ENTPD3: variants seen among roughly 807,000 people sequenced by gnomAD.
The protein encoded by ENTPD3 is ectonucleoside triphosphate diphosphohydrolase 3, also known as CD39 antigen-like 3.
Under a neutral mutation model 51.2 loss-of-function variants are expected in ENTPD3, and 60 were observed. The observed-to-expected ratio is 1.17, with a 90% confidence interval of 0.95 to 1.45. The LOEUF is 1.45. Ranked by LOEUF, ENTPD3 falls within the 40% of genes most tolerant of loss-of-function variation. The probability of loss-of-function intolerance (pLI) is 0.00; values close to 1 mark genes in which losing one functional copy is unlikely to be tolerated. For missense variants in ENTPD3, 593 were observed against 641.1 expected (o/e 0.93, Z 0.81); for synonymous variants, 221 against 238.4 (o/e 0.93, Z 0.67).
chr3:40,388,669 G>A (rs1169836986), intron 2 of ENTPD3, among the ~76,000 whole-genome samples: 3 of 151,444 alleles, frequency 2.0e-5, no homozygotes, highest in Non-Finnish European at 4.4e-5. Flanking sequence ...TTTTGGAGTT[G>A]CTCATGTGGA....
At chr3:40,426,806 A>T (rs956219341) in intron 10 of ENTPD3, among the ~76,000 whole-genome samples, 1 of 152,242 alleles carries the variant, frequency 6.6e-6, no homozygotes, top group Non-Finnish European at 1.5e-5. Context: ...AAGGTGAAAC[A>T]TTTATACACC....
At chr3:40,397,956 C>T (rs1195307025) in intron 3 of ENTPD3, among the ~76,000 whole-genome samples, 1 of 152,180 alleles carries the variant, frequency 6.6e-6, no homozygotes, top group Non-Finnish European at 1.5e-5. Context: ...GAAATTCATT[C>T]CCATCCCCTC....
At chr3:40,405,650 A>G (rs567059841) in intron 4 of ENTPD3, among the ~76,000 whole-genome samples, 2 of 152,026 alleles carry the variant, frequency 1.3e-5, no homozygotes, top group African/African-American at 4.8e-5. Context: ...TGCTCCTCTC[A>G]TGGGACCAAG....
At chr3:40,421,686 A>G (rs1051574784) in intron 7 of ENTPD3, among the ~76,000 whole-genome samples, 2 of 152,244 alleles carry the variant, frequency 1.3e-5, no homozygotes, top group Non-Finnish European at 2.9e-5. Flanking sequence ...AGCTACTAAA[A>G]AAATAGGCCA....
chr3:40,423,130 C>A lies in ENTPD3; in HGVS notation c.1104+8C>A. 6.2e-7 allele frequency: 1 copy of A among 1,603,310 alleles called. No individual in the cohort carries two copies. The highest frequency in any genetic ancestry group is 1.1e-5 in the South Asian group (1 of 89,936). On this transcript the variant is annotated splice_region_variant and intron_variant, in intron 8 of 10. Coordinates refer to ENST00000301825, the MANE Select transcript of ENTPD3 (RefSeq NM_001248.4). ...ATTAAAGGGCCATTTGTGGTAAGAG[C>A]AAAACCTTCTGAAAGATTCCTTTCC...
intron 5 of ENTPD3, among the ~76,000 whole-genome samples, chr3:40,413,699 G>GA (rs562695780): frequency 1.0e-3 from 158 of 152,180 alleles, no homozygotes; most frequent in Non-Finnish European, 1.6e-3. Flanking sequence ...CACCTCTTAG[G>GA]AAAAAATGAA....
chr3:40,397,453 T>C (rs1320635184), intron 3 of ENTPD3, among the ~76,000 whole-genome samples: 2 of 152,084 alleles, frequency 1.3e-5, no homozygotes, highest in Non-Finnish European at 2.9e-5. Flanking sequence ...TCTTGGGCAT[T>C]TACTTACTAC....
At chr3:40,414,625 A>G (rs1156566227) in intron 5 of ENTPD3, 56 bp from the exon 6 acceptor site, 1 of 1,591,534 alleles carries the variant, frequency 6.3e-7, no homozygotes, top group African/African-American at 1.3e-5. Context: ...GAGACTATGT[A>G]TTTTAAGACT....
rs1955920025 is a variant in ENTPD3 at position 40,423,401 on chromosome 3, G to C, written c.1215G>C (p.Gln405His). 6.2e-7 allele frequency: 1 copy of C among 1,601,224 alleles called. No homozygotes were observed. Among genetic ancestry groups the C allele is most frequent in the Non-Finnish European group, 8.6e-7 (1 of 1,168,578 alleles). ...ATTTCTGCTCACAGAATTGGAGTCAGGTCAGTATTTAAAGAGAAGGGATCA... is the reference window on the plus strand; with the variant it reads ...ATTTCTGCTCACAGAATTGGAGTCACGTCAGTATTTAAAGAGAAGGGATCA... ...TWNFCSQNWS[Q>H]LPLLLPKFDE... The change falls in exon 9 of 11, where the codon CAG becomes CAC. Residue 405 changes from glutamine (Q) to histidine (H), a missense_variant and splice_region_variant. Gln to His is a conservative substitution (Grantham distance 24, BLOSUM62 0). Transcript: ENST00000301825.
At chr3:40,389,984 A>G (rs1370966434) in intron 2 of ENTPD3, among the ~76,000 whole-genome samples, 1 of 152,226 alleles carries the variant, frequency 6.6e-6, no homozygotes. Context: ...ACTGTCCAAT[A>G]TAGTAGCCAC....
chr3:40,405,765 A>G (rs932918321), intron 4 of ENTPD3, among the ~76,000 whole-genome samples: 1 of 152,152 alleles, frequency 6.6e-6, no homozygotes, highest in Non-Finnish European at 1.5e-5. Flanking sequence ...CATACTCCCA[A>G]GGTTTCACCA....
chr3:40,425,930 A>G (rs1955973142), intron 10 of ENTPD3, among the ~76,000 whole-genome samples: 1 of 151,150 alleles, frequency 6.6e-6, no homozygotes, highest in African/African-American at 2.4e-5. Flanking sequence ...TAAAAAAAAC[A>G]GAAAACGAAC....
At chr3:40,410,929 A>C (rs1575222696) in intron 4 of ENTPD3, among the ~76,000 whole-genome samples, 1 of 152,306 alleles carries the variant, frequency 6.6e-6, no homozygotes, top group Non-Finnish European at 1.5e-5. Context: ...AAAGAGACAC[A>C]GAGGATGAGA....
At position 40,412,947 on chromosome 3, in the gene ENTPD3, A is replaced by G. The variant is rs79547567; in HGVS notation, c.437+985A>G. On this transcript the variant is annotated intron_variant, in intron 5 of 10. Transcript: ENST00000301825. ...TTTCCAAATTATTTCATTTACGTGT[A>G]ATAGAAATGATCTAAAAACTCCTTC... Among the ~76,000 whole-genome samples the G allele has an allele frequency of 6.0e-3, 914 of 152,340 alleles. 9 individuals are homozygous for G. The highest frequency in any genetic ancestry group is 0.02 in the African/African-American group (844 of 41,588).
intron 3 of ENTPD3, chr3:40,394,368 C>T: frequency 3.4e-6 from 1 of 297,554 alleles, no homozygotes; most frequent in Non-Finnish European, 6.9e-6. Context: ...GTGATCCACC[C>T]ACCTCAGCCT....
intron 3 of ENTPD3, among the ~76,000 whole-genome samples, chr3:40,395,253 G>C (rs997542605): frequency 6.6e-6 from 1 of 152,204 alleles, no homozygotes; most frequent in African/African-American, 2.4e-5. Context: ...GCTTCTACTT[G>C]TTCTGGACAG....
rs894330624 is a variant in ENTPD3, at chr3:40,424,036, T to C, written c.1353+73T>C. On this transcript the variant is annotated intron_variant, in intron 10 of 10. Transcript: ENST00000301825. ...TTTGTATGTGTGTGTGGAACAAATG[T>C]AGAAGGTAAAAGGGTATTAATGAGT... 4.4e-5 allele frequency: 70 copies of C among 1,603,026 alleles called. No individual in the cohort carries two copies. In the African/African-American group the frequency reaches 7.9e-4, roughly 18 times the overall value.
intron 3 of ENTPD3, chr3:40,394,326 T>G (rs967934551): frequency 3.0e-6 from 1 of 334,988 alleles, no homozygotes; most frequent in African/African-American, 2.2e-5. Flanking sequence ...TTCACCGTGT[T>G]GACCAGGCTA....
intron 3 of ENTPD3, among the ~76,000 whole-genome samples, chr3:40,399,854 G>C (rs7625736): frequency 0.53 from 79,854 of 151,980 alleles, 23,903 homozygotes; most frequent in Non-Finnish European, 0.69. Context: ...ACACCTGCCT[G>C]TTCATTTGTT....
Sources: allele counts gnomAD v4.1 joint callset (sites outside exome capture counted in the v4.1 genomes callset), GRCh38; gene constraint gnomAD v4.1.1; transcripts MANE v1.5; gene names NCBI Gene and HGNC (gene_info 2026-07-23, HGNC 2026-07-21).